Variants in RIMS3 observed in about 807,000 individuals in gnomAD.
RIMS3 encodes regulating synaptic membrane exocytosis protein 3.
Under a neutral mutation model 29.2 loss-of-function variants are expected in RIMS3, and 15 were observed. That is an observed-to-expected ratio of 0.51 (90% confidence interval 0.34 to 0.79). The LOEUF is 0.79. Among genes scored for constraint, RIMS3 ranks in the 30% least tolerant of loss-of-function variants. The pLI is 0.01. For missense variants in RIMS3, 342 were observed against 421.4 expected (o/e 0.81, Z 1.65); for synonymous variants, 161 against 170.1 (o/e 0.95, Z 0.41).
intron 1 of RIMS3, among the ~76,000 whole-genome samples, chr1:40,655,078 G>T (rs1276212947): frequency 6.6e-6 from 1 of 152,192 alleles, no homozygotes; most frequent in Non-Finnish European, 1.5e-5. Flanking sequence ...TAAATCCACT[G>T]TGTCCTCCGA....
intron 1 of RIMS3, among the ~76,000 whole-genome samples, chr1:40,661,595 C>T (rs552721915): frequency 2.0e-5 from 3 of 152,320 alleles, no homozygotes; most frequent in Admixed American, 1.3e-4. Context: ...GCCCTGGGCC[C>T]GGCCCAGAGT....
chr1:40,654,146 C>G lies in RIMS3; in HGVS notation c.-206-6304G>C. ...CGCCTGCCCTCCCATCTCCTCCCCT[C>G]CCCTTCCCGCCCCTCCCCCTCCCCG... On this transcript the variant is annotated intron_variant, in intron 1 of 7. Coordinates refer to ENST00000372684, the MANE Select transcript of RIMS3 (RefSeq NM_014747.3). This position sits in a 1 kb window ranked among gnomAD's most constrained non-coding sequence, Gnocchi z 5.3. Among the ~76,000 whole-genome samples, 1 of 150,880 alleles carries G rather than the reference C, an allele frequency of 6.6e-6. No individual in the cohort carries two copies. Among genetic ancestry groups the G allele is most frequent in the Admixed American group, 6.6e-5 (1 of 15,212 alleles).
chr1:40,650,215 G>C (rs1646622309), intron 1 of RIMS3, among the ~76,000 whole-genome samples: 1 of 152,192 alleles, frequency 6.6e-6, no homozygotes, highest in Admixed American at 6.5e-5. Flanking sequence ...GGGGCCGCTG[G>C]GGTCACCCAG....
At chr1:40,670,045 G>C (rs1642472584), upstream of RIMS3, among the ~76,000 whole-genome samples, 1 of 152,022 alleles carries the variant, frequency 6.6e-6, no homozygotes, top group Admixed American at 6.6e-5. Context: ...TGTCACTCCT[G>C]AATTCAGCTG....
In RIMS3 at chr1:40,646,967, G is replaced by A. The variant is rs188681985; in HGVS notation, c.-32+701C>T. Among the ~76,000 whole-genome samples the A allele has an allele frequency of 1.1e-3, 172 of 151,076 alleles. 3 individuals are homozygous for A. Among genetic ancestry groups the A allele is most frequent in the African/African-American group, 4.0e-3 (166 of 41,048 alleles). On this transcript the variant is annotated intron_variant, in intron 2 of 7. Transcript: ENST00000372684. ...GCGATCTCGACTCACTGCAACCTCCGCCTCCTGGGTTCAAGCAATTCTCCT... is the reference window on the plus strand; with the variant it reads ...GCGATCTCGACTCACTGCAACCTCCACCTCCTGGGTTCAAGCAATTCTCCT...
intron 1 of RIMS3, among the ~76,000 whole-genome samples, chr1:40,658,358 C>A (rs528264138): frequency 3.9e-5 from 6 of 152,214 alleles, no homozygotes; most frequent in Non-Finnish European, 7.3e-5. Flanking sequence ...CTTTAAGTCA[C>A]AATTCCAGGC....
At position 40,626,327 on chromosome 1, in the gene RIMS3, C is replaced by T. The variant is rs976757560; in HGVS notation, c.*190G>A. 3.3e-5 allele frequency: 8 copies of T among 239,314 alleles called. No homozygotes were observed. Among genetic ancestry groups the T allele is most frequent in the South Asian group, 2.2e-4 (3 of 13,488 alleles). The allele number at this position is 239,314 out of a possible 1,614,324, so 14.8% of individuals were successfully genotyped here. ...TGAACAGATAGAACGTGGTCACGTA[C>T]ACACACACACACACGCACGCACACA... On this transcript the variant is annotated 3_prime_UTR_variant, in exon 8 of 8. Coordinates refer to ENST00000372684, the MANE Select transcript of RIMS3 (RefSeq NM_014747.3).
chr1:40,677,420 C>T, the RIMS3 span, among the ~76,000 whole-genome samples: 13 of 150,938 alleles, frequency 8.6e-5, no homozygotes, highest in African/African-American at 2.4e-4. Flanking sequence ...CACACTTGGC[C>T]GGGTGCGGTG....
chr1:40,626,642 C>T lies in RIMS3; in HGVS notation c.802G>A (p.Ala268Thr), dbSNP rs768716073. The T allele has an allele frequency of 2.5e-6, 4 of 1,614,102 alleles. No homozygotes were observed. Among genetic ancestry groups the T allele is most frequent in the Admixed American group, 1.7e-5 (1 of 60,012 alleles). Residue 268 changes from alanine (A) to threonine (T), a missense_variant, in exon 8 of 8, where the codon GCC (alanine) becomes ACC (threonine). By Grantham distance (58) the Ala-to-Thr change is moderately conservative. Coordinates refer to ENST00000372684, the MANE Select transcript of RIMS3 (RefSeq NM_014747.3). Reference protein sequence around the residue: ...QIMLDELDLSAAVTGWYKLFP... With the variant: ...QIMLDELDLSTAVTGWYKLFP... Reference sequence around the variant, plus strand: ...AGTTTGTACCAGCCGGTGACCGCGGCGCTGAGGTCCAGCTCGTCCAGCATG... The same window carrying T: ...AGTTTGTACCAGCCGGTGACCGCGGTGCTGAGGTCCAGCTCGTCCAGCATG...
rs1459440485 is a variant in RIMS3, at chr1:40,621,337, C to T, written c.*5180G>A. On this transcript the variant is annotated 3_prime_UTR_variant, in exon 8 of 8. Transcript: ENST00000372684. ...CTTGAAAATTGTCCATTGTAGATGA[C>T]CCTTAATTATGTCTCATCATTACAC... is the stretch of plus-strand genomic sequence containing the variant. 1 of 152,204 alleles carries T rather than the reference C, an allele frequency of 6.6e-6. No homozygotes were observed. Among genetic ancestry groups the T allele is most frequent in the Non-Finnish European group, 1.5e-5 (1 of 68,060 alleles). The allele number at this position is 152,204 out of a possible 1,614,324, so 9.4% of individuals were successfully genotyped here.
chr1:40,635,925 G>T lies in RIMS3; in HGVS notation c.350C>A (p.Ser117Tyr). ...STDGSTNSNS[S>Y]DGTFIFPTTR... ...ACGGGGCTGCACGCACGTGCCGTCG[G>T]AGCTGTTGCTGTTGGTGCTCCCATC... The change falls in exon 4 of 8, where the codon TCC (serine) becomes TAC (tyrosine). Residue 117 changes from serine (S) to tyrosine (Y), a missense_variant. Coordinates refer to ENST00000372684, the MANE Select transcript of RIMS3 (RefSeq NM_014747.3). The surrounding 1 kb of genome is among the most constrained non-coding windows in gnomAD (Gnocchi z 4.1). 5 of 1,612,984 alleles carry T rather than the reference G, an allele frequency of 3.1e-6. No individual in the cohort carries two copies. The highest frequency in any genetic ancestry group is 3.4e-6 in the Non-Finnish European group (4 of 1,179,946).
chr1:40,665,843 T>A (rs141567960), upstream of RIMS3, among the ~76,000 whole-genome samples: 71 of 152,302 alleles, frequency 4.7e-4, no homozygotes, highest in African/African-American at 1.6e-3. Context: ...CCTACATTAA[T>A]GAGGCTTCCA....
chr1:40,677,245 T>C, the RIMS3 span, among the ~76,000 whole-genome samples: 3 of 151,552 alleles, frequency 2.0e-5, no homozygotes, highest in African/African-American at 7.3e-5. Flanking sequence ...CCTCAGGTGA[T>C]CTGCCCGCCT....
rs570042572 is a variant in RIMS3 at position 40,623,162 on chromosome 1, G to A, written c.*3355C>T. On this transcript the variant is annotated 3_prime_UTR_variant, in exon 8 of 8. Coordinates refer to ENST00000372684, the MANE Select transcript of RIMS3 (RefSeq NM_014747.3). ...GGTTCTGCCTCAGCCCCCATGAAATGCTGGCATTGCCTGGGACTTGCTGCA... is the reference window on the plus strand; with the variant it reads ...GGTTCTGCCTCAGCCCCCATGAAATACTGGCATTGCCTGGGACTTGCTGCA... 2.8e-6 allele frequency: 1 copy of A among 361,454 alleles called. No homozygotes were observed. The highest frequency in any genetic ancestry group is 4.0e-5 in the East Asian group (1 of 24,888). The allele number at this position is 361,454 out of a possible 1,614,324, so 22.4% of individuals were successfully genotyped here. A position where few individuals can be genotyped will look rare whatever the true frequency, so the allele number is the denominator to read the frequency against.
At chr1:40,667,385 C>T (rs978249164), upstream of RIMS3, among the ~76,000 whole-genome samples, 4 of 151,570 alleles carry the variant, frequency 2.6e-5, no homozygotes, top group Non-Finnish European at 4.4e-5. Context: ...GGACCTGGAA[C>T]GAGGGTGGAG....
intron 1 of RIMS3, among the ~76,000 whole-genome samples, chr1:40,653,920 A>G (rs921305523): frequency 4.6e-5 from 7 of 152,110 alleles, no homozygotes; most frequent in African/African-American, 1.7e-4. Flanking sequence ...CTGGATCCCA[A>G]TAAGATACAC....
the RIMS3 span, among the ~76,000 whole-genome samples, chr1:40,689,815 T>C: frequency 1.3e-5 from 2 of 152,188 alleles, no homozygotes; most frequent in African/African-American, 4.8e-5. Context: ...ACTGAAATAC[T>C]CTAGTACTAC....
At chr1:40,652,347 G>T (rs1642180277) in intron 1 of RIMS3, among the ~76,000 whole-genome samples, 1 of 152,216 alleles carries the variant, frequency 6.6e-6, no homozygotes, top group Non-Finnish European at 1.5e-5. Context: ...CTGAGACTCT[G>T]CATTTCTAAG....
the RIMS3 span, among the ~76,000 whole-genome samples, chr1:40,681,091 A>G: frequency 2.0e-5 from 3 of 152,298 alleles, no homozygotes; most frequent in Admixed American, 1.3e-4. Flanking sequence ...CCTTCTGTCT[A>G]CTGGAATATT....
Sources: gnomAD v4.1 joint callset for allele counts (sites outside exome capture counted in the v4.1 genomes callset) on GRCh38, gnomAD v4.1.1 for gene constraint, Gnocchi (gnomAD v3.1) non-coding constraint, MANE v1.5 for transcripts, NCBI Gene and HGNC (gene_info 2026-07-23, HGNC 2026-07-21) for gene names.